The following NOL4 variants were observed in gnomAD, a reference collection of about 807,000 sequenced individuals.
NOL4 encodes the protein nucleolar protein 4.
Under a neutral mutation model 75.9 loss-of-function variants are expected in NOL4, and 17 were observed. The observed-to-expected ratio is 0.22, with a 90% CI of 0.15 to 0.34. The LOEUF (loss-of-function observed/expected upper bound fraction) is 0.34, where lower values mean the gene tolerates loss of function less well. Ranked by LOEUF, NOL4 falls within the 10% of genes least tolerant of loss-of-function variation. The pLI is 1.00. For missense variants in NOL4, 614 were observed against 793.5 expected, an observed-to-expected ratio of 0.77 and a Z score of 2.72; for synonymous variants, 292 against 289.9, an observed-to-expected ratio of 1.01 and a Z score of -0.07.
At chr18:33,933,365 G>T (rs1393914065) in intron 9 of NOL4, among the ~76,000 whole-genome samples, 1 of 152,144 alleles carries the variant, frequency 6.6e-6, no homozygotes, top group Non-Finnish European at 1.5e-5. Context: ...GGTTGTTGAA[G>T]GCTAGTGTGG....
chr18:34,153,045 A>T (rs975340070), intron 1 of NOL4, among the ~76,000 whole-genome samples: 4 of 151,898 alleles, frequency 2.6e-5, no homozygotes, highest in African/African-American at 9.7e-5. Flanking sequence ...AAATTTGCCA[A>T]AATTAAGAGT....
intron 8 of NOL4, among the ~76,000 whole-genome samples, chr18:33,949,982 T>C (rs2069101038): frequency 6.6e-6 from 1 of 151,814 alleles, no homozygotes; most frequent in African/African-American, 2.4e-5. Context: ...GTTAAATATA[T>C]AAAATATATT....
intron 9 of NOL4, among the ~76,000 whole-genome samples, chr18:33,908,085 G>C (rs568316405): frequency 7.9e-5 from 12 of 152,098 alleles, no homozygotes; most frequent in African/African-American, 2.9e-4. Context: ...ATGGTTCTAC[G>C]GGCATGTCAA....
At chr18:34,028,530 G>A (rs370568553) in intron 5 of NOL4, among the ~76,000 whole-genome samples, 134 of 152,304 alleles carry the variant, frequency 8.8e-4, no homozygotes, top group African/African-American at 2.4e-3. Context: ...CAAGGCAGGC[G>A]CCTGACCAAA....
intron 6 of NOL4, among the ~76,000 whole-genome samples, chr18:33,966,615 C>G (rs2070618889): frequency 6.6e-6 from 1 of 152,082 alleles, no homozygotes; most frequent in African/African-American, 2.4e-5. Context: ...ACAAAATCAA[C>G]ATATAAAAAT....
At chr18:33,958,217 CT>C (rs749328671) in intron 7 of NOL4, 21 bp downstream of exon 7, 2 of 1,601,926 alleles carry the variant, frequency 1.2e-6, no homozygotes, top group East Asian at 4.5e-5. Context: ...TTAAACCACA[CT>C]TGGAGTGTGG....
At chr18:34,081,834 T>G (rs1381198578) in intron 5 of NOL4, among the ~76,000 whole-genome samples, 1 of 152,142 alleles carries the variant, frequency 6.6e-6, no homozygotes, top group African/African-American at 2.4e-5. Context: ...ATTTAACAGA[T>G]ATAAGAAAAT....
intron 1 of NOL4, among the ~76,000 whole-genome samples, chr18:34,217,276 C>T (rs542205453): frequency 2.4e-4 from 37 of 151,144 alleles, no homozygotes; most frequent in Non-Finnish European, 4.6e-4. Context: ...GTATTTCTTT[C>T]TTTTTTTTTA....
chr18:34,044,761 T>G (rs191439297), intron 5 of NOL4, among the ~76,000 whole-genome samples: 98 of 152,306 alleles, frequency 6.4e-4, no homozygotes, highest in African/African-American at 2.3e-3. Flanking sequence ...AAAATCAAAT[T>G]CGTTCCTGCC....
chr18:33,978,970 G>C (rs929835572), intron 6 of NOL4, among the ~76,000 whole-genome samples: 7 of 151,900 alleles, frequency 4.6e-5, no homozygotes, highest in African/African-American at 1.7e-4. Context: ...ATAATTGTTT[G>C]GGCAATATTG....
intron 1 of NOL4, among the ~76,000 whole-genome samples, chr18:34,172,690 G>T (rs567258646): frequency 6.6e-6 from 1 of 151,962 alleles, no homozygotes; most frequent in Non-Finnish European, 1.5e-5. Context: ...TGTTTTTCTT[G>T]CCATTTTGAT....
chr18:34,022,291 T>A (rs1347468571), intron 5 of NOL4, among the ~76,000 whole-genome samples: 1 of 151,940 alleles, frequency 6.6e-6, no homozygotes, highest in Non-Finnish European at 1.5e-5. Context: ...TTCTAGTAAA[T>A]TACTTTTTAT....
chr18:33,915,095 A>T (rs949489854), intron 9 of NOL4, among the ~76,000 whole-genome samples: 2 of 152,180 alleles, frequency 1.3e-5, no homozygotes, highest in African/African-American at 4.8e-5. Context: ...ATGTTGTTTT[A>T]AAAGTAAATT....
intron 1 of NOL4, among the ~76,000 whole-genome samples, chr18:34,217,319 C>T (rs181311148): frequency 0.015 from 2,353 of 151,954 alleles, 25 homozygotes; most frequent in Non-Finnish European, 0.023. Flanking sequence ...GAGTCTCACT[C>T]TGTTGCCCAG....
At chr18:34,053,835 T>C (rs1253248061) in intron 5 of NOL4, among the ~76,000 whole-genome samples, 15 of 152,010 alleles carry the variant, frequency 9.9e-5, no homozygotes, top group Admixed American at 9.8e-4. Flanking sequence ...AAATTTAATA[T>C]ATCCAATTGA....
chr18:34,091,381 C>G (rs2078515288), intron 5 of NOL4, among the ~76,000 whole-genome samples: 1 of 151,664 alleles, frequency 6.6e-6, no homozygotes, highest in African/African-American at 2.4e-5. Context: ...AATAATAAAA[C>G]AAAATAAAAC....
At chr18:34,052,447 A>G (rs1250166760) in intron 5 of NOL4, among the ~76,000 whole-genome samples, 2 of 152,124 alleles carry the variant, frequency 1.3e-5, no homozygotes, top group Non-Finnish European at 2.9e-5. Context: ...AAAAAGCTGT[A>G]CAAGTACTGA....
chr18:34,147,530 G>A lies in NOL4; in HGVS notation c.265-17510C>T, dbSNP rs145956819. 2.9e-3 allele frequency among the ~76,000 whole-genome samples: 446 copies of A among 152,090 alleles called. 2 individuals are homozygous for A. The highest frequency in any genetic ancestry group is 0.01 in the African/African-American group (421 of 41,500). The stretch of plus-strand genomic sequence containing the variant: ...TGATGGATTACGTTTATTGATTTGC[G>A]TATGTTGAACCAGCCTTGCATCCCA... On this transcript the variant is annotated intron_variant, in intron 1 of 10. Coordinates refer to ENST00000261592, the MANE Select transcript of NOL4 (RefSeq NM_003787.5).
intron 6 of NOL4, among the ~76,000 whole-genome samples, chr18:34,011,302 G>A (rs1372426798): frequency 6.6e-6 from 1 of 151,728 alleles, no homozygotes; most frequent in Non-Finnish European, 1.5e-5. Flanking sequence ...GCTTTATGGT[G>A]CATAATGTAA....
Sources: gnomAD v4.1 joint callset for allele counts (sites outside exome capture counted in the v4.1 genomes callset) on GRCh38, gnomAD v4.1.1 for gene constraint, MANE v1.5 for transcripts, NCBI Gene and HGNC (gene_info 2026-07-23, HGNC 2026-07-21) for gene names.